Variants in CTSE observed in about 807,000 individuals in gnomAD.
The protein encoded by CTSE is cathepsin E.
Under a neutral mutation model 42.8 loss-of-function variants are expected in CTSE, and 43 were observed. The ratio of observed to expected loss-of-function variants is 1.01; its 90% CI spans 0.79 to 1.30. The LOEUF (loss-of-function observed/expected upper bound fraction) is 1.30. CTSE is among the 50% of genes most tolerant of loss of function. The pLI is 0.00. For synonymous variants in CTSE, 205 were observed against 191.5 expected (o/e 1.07, Z -0.58); for missense variants, 532 against 493.5 (o/e 1.08, Z -0.74).
chr1:206,023,599 C>A, intron 1 of CTSE, 125 bp downstream of exon 1: 1 of 836,320 alleles, frequency 1.2e-6, no homozygotes, highest in Admixed American at 2.0e-5. Flanking sequence ...CTCTTCCATG[C>A]ATTGACGCAA....
chr1:206,013,833 A>G lies in CTSE; in HGVS notation c.724T>C (p.Ser242Pro), dbSNP rs140700196. The change falls in exon 6 of 9, where the codon TCT becomes CCT. Residue 242 changes from serine (S) to proline (P), a missense_variant. Coordinates refer to ENST00000358184, the MANE Select transcript of CTSE (RefSeq NM_001910.4). ...ACTGGGACCCAATTCAGGCTCCCAGAGAAATGGGAGTGGTCGTAGCCTCCA... is the reference window on the plus strand; with the variant it reads ...ACTGGGACCCAATTCAGGCTCCCAGGGAAATGGGAGTGGTCGTAGCCTCCA... Reference protein sequence around the residue: ...IFGGYDHSHFSGSLNWVPVTK... With the variant: ...IFGGYDHSHFPGSLNWVPVTK... 2 of 1,613,694 alleles carry G rather than the reference A, an allele frequency of 1.2e-6. No individual in the cohort carries two copies. Among genetic ancestry groups the G allele is most frequent in the Non-Finnish European group, 1.7e-6 (2 of 1,179,712 alleles).
chr1:206,012,255 G>T, intron 8 of CTSE, 53 bp downstream of exon 8: 1 of 1,429,414 alleles, frequency 7.0e-7, no homozygotes, highest in Non-Finnish European at 9.8e-7. Flanking sequence ...AGGGGAAGTG[G>T]CAGGCATGTG....
chr1:206,022,185 C>G lies in CTSE; in HGVS notation c.308G>C (p.Trp103Ser). Residue 103 changes from tryptophan (W) to serine (S), a missense_variant, in exon 3 of 9, where the codon TGG becomes TCG. Trp to Ser is a radical substitution (Grantham distance 177). Transcript: ENST00000358184. ...GCTAGTGCAGTACACAGAGGGGACC[C>G]AGAGGTTGGAGGAGCCAGTGTCGAA... ...VIFDTGSSNLWVPSVYCTSPA... is the reference protein window; with the variant it reads ...VIFDTGSSNLSVPSVYCTSPA... 6.2e-7 allele frequency: 1 copy of G among 1,612,588 alleles called. No homozygotes were observed. Among genetic ancestry groups the G allele is most frequent in the African/African-American group, 1.3e-5 (1 of 75,026 alleles).
At position 206,010,166 on chromosome 1, in the gene CTSE, A is replaced by G. The variant is rs1365202400; in HGVS notation, c.*17T>C. ...CAAGGTCTGTCAGACAGGCAGGCACAGACACAAGGCCCCTCCTTAGGGGAC... is the reference window on the plus strand; with the variant it reads ...CAAGGTCTGTCAGACAGGCAGGCACGGACACAAGGCCCCTCCTTAGGGGAC... On this transcript the variant is annotated 3_prime_UTR_variant, in exon 9 of 9. Transcript: ENST00000358184. 1 of 1,613,562 alleles carries G rather than the reference A, an allele frequency of 6.2e-7. No homozygotes were observed. Among genetic ancestry groups the G allele is most frequent in the Non-Finnish European group, 8.5e-7 (1 of 1,179,650 alleles).
At position 206,016,139 on chromosome 1, in the gene CTSE, A is replaced by G. The variant is rs1661257548; in HGVS notation, c.463-9T>C. The G allele has an allele frequency of 6.2e-7, 1 of 1,612,882 alleles. No homozygotes were observed. The highest frequency in any genetic ancestry group is 1.3e-5 in the African/African-American group (1 of 74,914). ...ACGGTTAGTCCTTCCACCTGGTAGG[A>G]GAAAGCCCACAGGAGAACAGGAGAA... On this transcript the variant is annotated splice_polypyrimidine_tract_variant and intron_variant, in intron 4 of 8. Coordinates refer to ENST00000358184, the MANE Select transcript of CTSE (RefSeq NM_001910.4).
Position 206,010,328 on chromosome 1 carries a change from T to C in CTSE, c.1046A>G (p.Gln349Arg), listed in dbSNP as rs1281428263. Reference sequence around the variant, plus strand: ...TCCTTGAAAGCCACTGCTGCAGAACTGCATTCCATCCACGAAGTCCTGTGG... The same window carrying C: ...TCCTTGAAAGCCACTGCTGCAGAACCGCATTCCATCCACGAAGTCCTGTGG... ...YTLLDFVDGM[Q>R]FCSSGFQGLD... is the part of the protein sequence containing the mutation. Residue 349 changes from glutamine (Q) to arginine (R), a missense_variant, in exon 9 of 9, where the codon CAG (glutamine) becomes CGG (arginine). By Grantham distance (43) the Gln-to-Arg change is conservative. Transcript: ENST00000358184. The C allele has an allele frequency of 6.2e-7, 1 of 1,613,460 alleles. No individual in the cohort carries two copies. Among genetic ancestry groups the C allele is most frequent in the Non-Finnish European group, 8.5e-7 (1 of 1,179,640 alleles).
At chr1:206,014,363 C>T (rs1661206375) in intron 5 of CTSE, among the ~76,000 whole-genome samples, 1 of 152,036 alleles carries the variant, frequency 6.6e-6, no homozygotes, top group Non-Finnish European at 1.5e-5. Flanking sequence ...TTACTAGAGC[C>T]TGAAAACTTA....
In CTSE at chr1:206,021,073, C is replaced by G; in HGVS notation, c.438G>C (p.Gly146=). Residue 146 remains glycine, a synonymous_variant, in exon 4 of 9, where the codon GGG becomes GGC. Transcript: ENST00000358184. ...CAGAGACTTGGTCGGCTCCAATGATCCCGGACAAGCTCCCGGTTCCATACT... is the reference window on the plus strand; with the variant it reads ...CAGAGACTTGGTCGGCTCCAATGATGCCGGACAAGCTCCCGGTTCCATACT... ...SIQYGTGSLS[G]IIGADQVSVE... The G allele has an allele frequency of 6.2e-7, 1 of 1,612,632 alleles. No homozygotes were observed. Among genetic ancestry groups the G allele is most frequent in the Non-Finnish European group, 8.5e-7 (1 of 1,178,684 alleles).
intron 6 of CTSE, 76 bp from the exon 7 acceptor site, chr1:206,012,725 T>C (rs1365626452): frequency 5.3e-5 from 80 of 1,522,808 alleles, no homozygotes; most frequent in African/African-American, 6.9e-5. Flanking sequence ...TTTTGGCCTC[T>C]CAAATGCCTG....
Position 206,012,645 on chromosome 1 carries a change from G to A in CTSE, c.790C>T (p.Gln264Ter), listed in dbSNP as rs782388762. The A allele has an allele frequency of 2.7e-5, 44 of 1,613,590 alleles. No individual in the cohort carries two copies. Among genetic ancestry groups the A allele is most frequent in the Non-Finnish European group, 3.6e-5 (42 of 1,179,720 alleles). Residue 264 changes from glutamine to a stop codon, truncating the protein, a stop_gained, in exon 7 of 9, where the codon CAG (glutamine) becomes TAG (stop). Transcript: ENST00000358184. LOFTEE classifies it high-confidence loss of function. ...CAGAACATAACAGTGCCTCCCACCT[G>A]GATGCTGAGGGGACAGGGTTGTGGT... is the stretch of plus-strand genomic sequence containing the variant. ...AYWQIALDNIQVGGTVMFCSE... is the reference protein window; with the variant it reads ...AYWQIALDNI
At position 206,012,527 on chromosome 1, in the gene CTSE, G is replaced by A. The variant is rs782267628; in HGVS notation, c.908C>T (p.Ala303Val). ...ACTCACTTCTCCATCCACGGGGGCT[G>A]CCCCAATGGCGTTTTGCAGCTGCTT... ...KIKQLQNAIG[A>V]APVDGEYAVE... Residue 303 changes from alanine to valine, a missense_variant, in exon 7 of 9, where the codon GCA becomes GTA. Physicochemically the swap from Ala to Val is moderately conservative, Grantham distance 64 (BLOSUM62 0). Transcript: ENST00000358184. The A allele has an allele frequency of 6.2e-7, 1 of 1,613,998 alleles. No individual in the cohort carries two copies. Among genetic ancestry groups the A allele is most frequent in the South Asian group, 1.1e-5 (1 of 91,080 alleles).
chr1:206,023,645 G>A (rs2102281210), intron 1 of CTSE, 79 bp downstream of exon 1: 1 of 1,388,630 alleles, frequency 7.2e-7, no homozygotes, highest in South Asian at 1.2e-5. Context: ...CTCCCCATCA[G>A]CTTTCCTACC....
At chr1:206,014,124 C>T (rs2102269167) in intron 5 of CTSE, 1 of 498,074 alleles carries the variant, frequency 2.0e-6, no homozygotes, top group South Asian at 2.6e-5. Context: ...TGTGTTTCTG[C>T]TTCTTGGATA....
At chr1:206,021,697 T>C (rs920027190) in intron 3 of CTSE, among the ~76,000 whole-genome samples, 44 of 151,874 alleles carry the variant, frequency 2.9e-4, no homozygotes, top group African/African-American at 9.7e-4. Context: ...GACCCACCCA[T>C]GCCATTGTGC....
At chr1:206,023,374 A>G (rs1279319953) in intron 1 of CTSE, among the ~76,000 whole-genome samples, 2 of 151,844 alleles carry the variant, frequency 1.3e-5, no homozygotes, top group Non-Finnish European at 2.9e-5. Context: ...GGCTGATTTA[A>G]AGGGACAGAA....
intron 6 of CTSE, among the ~76,000 whole-genome samples, chr1:206,013,326 T>C (rs1456613525): frequency 1.3e-5 from 2 of 152,088 alleles, no homozygotes; most frequent in Non-Finnish European, 2.9e-5. Flanking sequence ...CGGTCATGCC[T>C]GTCTGCTGGA....
chr1:206,011,934 C>G (rs1481583101), intron 8 of CTSE, among the ~76,000 whole-genome samples: 2 of 152,072 alleles, frequency 1.3e-5, no homozygotes, highest in East Asian at 3.8e-4. Flanking sequence ...TATCTTGAAC[C>G]ATTTATTTGA....
At chr1:206,023,663 A>G in intron 1 of CTSE, 61 bp downstream of exon 1, 2 of 1,494,206 alleles carry the variant, frequency 1.3e-6, no homozygotes, top group Non-Finnish European at 1.9e-6. Context: ...ACCCCAGAGC[A>G]GCCCTGAGTT....
Position 206,013,803 on chromosome 1 carries a change from T to C in CTSE, c.754A>G (p.Lys252Glu). 4.3e-6 allele frequency: 7 copies of C among 1,613,798 alleles called. No individual in the cohort carries two copies. The highest frequency in any genetic ancestry group is 5.9e-6 in the Non-Finnish European group (7 of 1,179,850). ...SGSLNWVPVTKQAYWQIALDN... is the reference protein window; with the variant it reads ...SGSLNWVPVTEQAYWQIALDN... The stretch of plus-strand genomic sequence containing the variant: ...AGTGCAATCTGCCAGTAAGCTTGCT[T>C]GGTGACTGGGACCCAATTCAGGCTC... The change falls in exon 6 of 9, where the codon AAG becomes GAG. Residue 252 changes from lysine (K) to glutamate (E), a missense_variant. Physicochemically the swap from Lys to Glu is moderately conservative, Grantham distance 56 (BLOSUM62 1). Coordinates refer to ENST00000358184, the MANE Select transcript of CTSE (RefSeq NM_001910.4).
Sources: gnomAD v4.1 joint callset for allele counts (sites outside exome capture counted in the v4.1 genomes callset) on GRCh38, gnomAD v4.1.1 for gene constraint, MANE v1.5 for transcripts, NCBI Gene and HGNC (gene_info 2026-07-23, HGNC 2026-07-21) for gene names.